Variants in KIAA1217 observed in about 807,000 individuals in gnomAD.
KIAA1217 encodes the protein KIAA1217.
A neutral mutation model predicts 163.9 loss-of-function variants in KIAA1217; 88 were observed. The observed-to-expected ratio is 0.54, with a 90% CI of 0.45 to 0.64. The LOEUF (loss-of-function observed/expected upper bound fraction) is 0.64, where lower values mean the gene tolerates loss of function less well. KIAA1217 is among the 30% of genes least tolerant of loss of function. KIAA1217 has a pLI of 0.00. For synonymous variants in KIAA1217, 903 were observed against 923.1 expected (o/e 0.98, Z 0.39); for missense variants, 2,372 against 2,475.0 (o/e 0.96, Z 0.88).
intron 1 of KIAA1217, among the ~76,000 whole-genome samples, chr10:23,836,431 G>T (rs1032032935): frequency 1.3e-5 from 2 of 151,780 alleles, no homozygotes; most frequent in South Asian, 4.2e-4. Flanking sequence ...GGAGCAGACC[G>T]CCATGCAGGA....
intron 1 of KIAA1217, among the ~76,000 whole-genome samples, chr10:23,983,043 A>C (rs1845836145): frequency 6.6e-6 from 1 of 151,828 alleles, no homozygotes; most frequent in African/African-American, 2.4e-5. Context: ...CATTCTCCCA[A>C]GACTGGCAGT....
intron 1 of KIAA1217, among the ~76,000 whole-genome samples, chr10:23,825,130 C>G (rs146552636): frequency 0.012 from 1,880 of 152,270 alleles, 32 homozygotes; most frequent in African/African-American, 0.043. Flanking sequence ...TTCTATTTGT[C>G]TCTGACATTC....
chr10:23,947,856 C>T (rs572574286), intron 1 of KIAA1217, among the ~76,000 whole-genome samples: 2 of 152,174 alleles, frequency 1.3e-5, no homozygotes, highest in African/African-American at 2.4e-5. Context: ...TATAAAGAAA[C>T]ATCTAAATAA....
At chr10:23,869,759 CAT>C (rs1588984164) in intron 1 of KIAA1217, among the ~76,000 whole-genome samples, 4 of 152,202 alleles carry the variant, frequency 2.6e-5, no homozygotes, top group East Asian at 3.9e-4. Flanking sequence ...AAGAATTCCA[CAT>C]GATTGATTTC....
chr10:23,882,848 T>C (rs1841009361), intron 1 of KIAA1217, among the ~76,000 whole-genome samples: 1 of 151,868 alleles, frequency 6.6e-6, no homozygotes, highest in Non-Finnish European at 1.5e-5. Context: ...TGAAAATGGG[T>C]TAAAAAATGG....
chr10:23,853,518 G>T (rs1839471325), intron 1 of KIAA1217, among the ~76,000 whole-genome samples: 1 of 152,178 alleles, frequency 6.6e-6, no homozygotes, highest in Non-Finnish European at 1.5e-5. Context: ...TCAGGATGAT[G>T]CTGGCCTCAT....
intron 2 of KIAA1217, among the ~76,000 whole-genome samples, chr10:24,173,094 T>A (rs2131920541): frequency 6.6e-6 from 1 of 152,264 alleles, no homozygotes; most frequent in South Asian, 2.1e-4. Context: ...TTGCAGCCGC[T>A]CCCTATCACT....
At chr10:24,262,145 G>A in intron 2 of KIAA1217, among the ~76,000 whole-genome samples, 1 of 152,146 alleles carries the variant, frequency 6.6e-6, no homozygotes, top group African/African-American at 2.4e-5. Flanking sequence ...ATTTATTTGA[G>A]GTCTGGAAGG....
chr10:24,349,292 A>T (rs11014047), intron 2 of KIAA1217, among the ~76,000 whole-genome samples: 7,109 of 152,292 alleles, frequency 0.047, 319 homozygotes, highest in African/African-American at 0.11. Context: ...TGACTACCAG[A>T]ATGAACCAAT....
intron 1 of KIAA1217, among the ~76,000 whole-genome samples, chr10:23,716,889 T>A (rs181962724): frequency 4.4e-4 from 67 of 152,294 alleles, no homozygotes; most frequent in African/African-American, 1.4e-3. Context: ...CATCTATTGT[T>A]CTTTTGGATC....
At chr10:24,009,620 G>C (rs770756248) in intron 2 of KIAA1217, among the ~76,000 whole-genome samples, 4 of 152,114 alleles carry the variant, frequency 2.6e-5, no homozygotes, top group Non-Finnish European at 4.4e-5. Context: ...GCATGGGGTT[G>C]ACCTGTTGGT....
rs573717054 is a variant in KIAA1217, at chr10:24,014,953, A to AAATAT, written c.-171+7583_-171+7587dup. ...AAATTAATATAATATCTTCGATCAAAAATATAATTCTAAAATAATATTATT... is the reference window on the plus strand; with the variant it reads ...AAATTAATATAATATCTTCGATCAAAAATATAATATAATTCTAAAATAATATTATT... On this transcript the variant is annotated intron_variant, in intron 2 of 18. Coordinates refer to the KIAA1217 transcript ENST00000376462. 9.1e-3 allele frequency among the ~76,000 whole-genome samples: 1,382 copies of AAATAT among 152,198 alleles called. 24 individuals carry two copies. The highest frequency in any genetic ancestry group is 0.032 in the African/African-American group (1,310 of 41,566).
At chr10:23,758,211 T>C (rs962534180) in intron 1 of KIAA1217, among the ~76,000 whole-genome samples, 2 of 152,214 alleles carry the variant, frequency 1.3e-5, no homozygotes, top group Non-Finnish European at 2.9e-5. Flanking sequence ...GGTCTTTGAT[T>C]CATTTTAAGT....
intron 4 of KIAA1217, among the ~76,000 whole-genome samples, chr10:24,436,059 C>A (rs918234689): frequency 1.3e-5 from 2 of 151,950 alleles, no homozygotes; most frequent in African/African-American, 4.8e-5. Flanking sequence ...TGGGGTTTCA[C>A]CATGTTGGCC....
chr10:24,324,629 A>G (rs1003866158), intron 2 of KIAA1217, among the ~76,000 whole-genome samples: 1 of 152,160 alleles, frequency 6.6e-6, no homozygotes, highest in Non-Finnish European at 1.5e-5. Flanking sequence ...CTATGGATAA[A>G]TTGACCCAGG....
At chr10:23,967,929 G>GTA (rs1554832278) in intron 1 of KIAA1217, among the ~76,000 whole-genome samples, 1 of 149,540 alleles carries the variant, frequency 6.7e-6, no homozygotes, top group Non-Finnish European at 1.5e-5. Context: ...GTGTGTGTGT[G>GTA]TGTGTGTATG....
At chr10:24,322,912 T>A (rs2044361636) in intron 2 of KIAA1217, among the ~76,000 whole-genome samples, 1 of 152,210 alleles carries the variant, frequency 6.6e-6, no homozygotes, top group South Asian at 2.1e-4. Context: ...TTTGATAATG[T>A]AATTTACAAG....
intron 1 of KIAA1217, among the ~76,000 whole-genome samples, chr10:23,711,171 A>C (rs998591684): frequency 6.6e-6 from 1 of 152,184 alleles, no homozygotes; most frequent in East Asian, 1.9e-4. Context: ...TCCAGAAAGA[A>C]GACATTATAG....
At chr10:24,185,795 CA>C (rs552152426) in intron 2 of KIAA1217, among the ~76,000 whole-genome samples, 100 of 145,256 alleles carry the variant, frequency 6.9e-4, no homozygotes, top group Admixed American at 2.8e-3. Context: ...AATTCCGTCT[CA>C]AAAAAAAAAA....
Sources: allele counts gnomAD v4.1 joint callset (sites outside exome capture counted in the v4.1 genomes callset), GRCh38; gene constraint gnomAD v4.1.1; transcripts MANE v1.5; gene names NCBI Gene and HGNC (gene_info 2026-07-23, HGNC 2026-07-21).